The following FAM20A variants were observed in gnomAD, a reference collection of about 807,000 sequenced individuals.
FAM20A encodes FAM20A golgi associated secretory pathway pseudokinase, also known as pseudokinase FAM20A.
A neutral mutation model predicts 52.0 loss-of-function variants in FAM20A; 42 were observed. The ratio of observed to expected loss-of-function variants is 0.81; its 90% CI spans 0.63 to 1.04. The LOEUF (loss-of-function observed/expected upper bound fraction) is 1.04. FAM20A is among the 50% of genes least tolerant of loss of function. The probability of loss-of-function intolerance (pLI) is 0.00; values close to 1 mark genes in which losing one functional copy is unlikely to be tolerated. For missense variants in FAM20A, 742 were observed against 712.7 expected (o/e 1.04, Z -0.47); for synonymous variants, 304 against 298.9 (o/e 1.02, Z -0.18).
chr17:68,574,678 A>G (rs2087675807), intron 1 of FAM20A, among the ~76,000 whole-genome samples: 1 of 152,166 alleles, frequency 6.6e-6, no homozygotes, highest in Non-Finnish European at 1.5e-5. Context: ...AATTATTTCC[A>G]ACTTCTGCTT....
intron 1 of FAM20A, among the ~76,000 whole-genome samples, chr17:68,583,677 G>T (rs1394341285): frequency 6.6e-6 from 1 of 152,186 alleles, no homozygotes; most frequent in Non-Finnish European, 1.5e-5. Context: ...AGCACTTTGG[G>T]AGGCCAAGGC....
intron 1 of FAM20A, among the ~76,000 whole-genome samples, chr17:68,560,343 CA>C (rs59192235): frequency 0.53 from 57,047 of 108,070 alleles, 12,549 homozygotes; most frequent in African/African-American, 0.65. Flanking sequence ...AACTCCATCT[CA>C]AAAAAAAAAA....
chr17:68,600,377 G>A lies in FAM20A; in HGVS notation c.290C>T (p.Ala97Val). The change falls in exon 1 of 11, where the codon GCC becomes GTC. Residue 97 changes from alanine to valine, a missense_variant. Ala to Val is a moderately conservative substitution (Grantham distance 64). Coordinates refer to ENST00000592554, the MANE Select transcript of FAM20A (RefSeq NM_017565.4). This position sits in a 1 kb window ranked among gnomAD's most constrained non-coding sequence, Gnocchi z 6.2. ...GSSSKLQALF[A>V]HPLYNVPEEP... ...CTCCGGGACGTTGTACAGCGGGTGG[G>A]CGAAGAGGGCCTGCAACTTGGAGCT... is the stretch of plus-strand genomic sequence containing the variant. 2 of 1,606,874 alleles carry A rather than the reference G, an allele frequency of 1.2e-6. No individual in the cohort carries two copies. The highest frequency in any genetic ancestry group is 1.7e-6 in the Non-Finnish European group (2 of 1,177,558).
At chr17:68,581,416 T>TTCTTTCTTTCTTTC (rs1303963270) in intron 1 of FAM20A, among the ~76,000 whole-genome samples, 2 of 120,166 alleles carry the variant, frequency 1.7e-5, no homozygotes, top group African/African-American at 6.8e-5. Flanking sequence ...CTTTCTTTCT[T>TTCTTTCTTTCTTTC]TTTCTCTTTT....
chr17:68,554,649 T>C (rs2087001647), intron 3 of FAM20A, 128 bp downstream of exon 3: 1 of 893,620 alleles, frequency 1.1e-6, no homozygotes, highest in African/African-American at 1.6e-5. Flanking sequence ...AAACGTTGAG[T>C]TCTCAGAGGT....
intron 1 of FAM20A, among the ~76,000 whole-genome samples, chr17:68,575,793 C>CAT (rs2087747615): frequency 9.7e-6 from 1 of 103,410 alleles, no homozygotes; most frequent in Non-Finnish European, 1.9e-5. Context: ...TTATATTATA[C>CAT]ACACACACAC....
At chr17:68,592,083 T>A (rs2088329447) in intron 1 of FAM20A, among the ~76,000 whole-genome samples, 1 of 152,190 alleles carries the variant, frequency 6.6e-6, no homozygotes, top group African/African-American at 2.4e-5. Context: ...CCTCACCAAC[T>A]GGACTCAGTG....
intron 5 of FAM20A, 94 bp downstream of exon 5, chr17:68,543,535 G>T: frequency 2.8e-6 from 3 of 1,083,978 alleles, no homozygotes; most frequent in South Asian, 1.3e-5. Context: ...AGGAAGAAAT[G>T]CCAGGGAGTT....
intron 1 of FAM20A, among the ~76,000 whole-genome samples, chr17:68,581,350 T>TTTTCTTTCTTTCTTTCTTCCTTTC (rs2087943892): frequency 2.2e-5 from 2 of 92,218 alleles, no homozygotes; most frequent in Non-Finnish European, 4.2e-5. Flanking sequence ...GAAATGCAGT[T>TTTTCTTTCTTTCTTTCTTCCTTTC]TTTCTTTCTT....
intron 7 of FAM20A, chr17:68,541,563 C>T (rs2086295416): frequency 5.1e-6 from 1 of 195,780 alleles, no homozygotes; most frequent in East Asian, 1.3e-4. Flanking sequence ...GGTGCTAGGT[C>T]CTGGGGATAC....
rs1334899112 is a variant in FAM20A, at chr17:68,536,158, T to G, written c.*1319A>C. 3 of 454,044 alleles carry G rather than the reference T, an allele frequency of 6.6e-6. No homozygotes were observed. The highest frequency in any genetic ancestry group is 1.3e-5 in the Non-Finnish European group (3 of 226,808). The allele number at this position is 454,044 out of a possible 1,614,324, so 28.1% of individuals were successfully genotyped here. On this transcript the variant is annotated 3_prime_UTR_variant, in exon 11 of 11. Coordinates refer to ENST00000592554, the MANE Select transcript of FAM20A (RefSeq NM_017565.4). ...GAAGTGTTATTTGTCCAGTCGAGGC[T>G]ATCTTTGCTCACACTGCAGAAAGCT...
At chr17:68,595,839 G>A (rs113864126) in intron 1 of FAM20A, among the ~76,000 whole-genome samples, 347 of 152,354 alleles carry the variant, frequency 2.3e-3, no homozygotes, top group Non-Finnish European at 3.9e-3. Flanking sequence ...AAAGATGGGA[G>A]TGAGAATGGA....
intron 1 of FAM20A, among the ~76,000 whole-genome samples, chr17:68,567,277 T>A (rs909279573): frequency 1.3e-5 from 2 of 151,964 alleles, no homozygotes; most frequent in Non-Finnish European, 2.9e-5. Flanking sequence ...CAAAGCTGTG[T>A]TCTAATGCTG....
chr17:68,554,144 A>ATT (rs1555824723), intron 3 of FAM20A, among the ~76,000 whole-genome samples: 2 of 144,284 alleles, frequency 1.4e-5, no homozygotes, highest in East Asian at 4.0e-4. Context: ...ATATATATAT[A>ATT]TTTTTAGCTG....
intron 2 of FAM20A, 48 bp downstream of exon 2, chr17:68,555,509 ACT>A (rs1427114679): frequency 6.2e-7 from 1 of 1,604,220 alleles, no homozygotes; most frequent in South Asian, 1.1e-5. Flanking sequence ...CTTTACCCAG[ACT>A]CTCTGGGAGA....
intron 10 of FAM20A, 96 bp downstream of exon 10, chr17:68,539,241 C>A: frequency 8.5e-7 from 1 of 1,176,012 alleles, no homozygotes; most frequent in Non-Finnish European, 1.3e-6. Flanking sequence ...ACGTCCTGGA[C>A]CAGTGAAAAC....
chr17:68,582,010 A>G (rs2088019504), intron 1 of FAM20A, among the ~76,000 whole-genome samples: 1 of 152,192 alleles, frequency 6.6e-6, no homozygotes, highest in African/African-American at 2.4e-5. Context: ...CACTGTGCTT[A>G]ACATAGAGTA....
At position 68,548,894 on chromosome 17, in the gene FAM20A, G is replaced by A. The variant is rs1026165318; in HGVS notation, c.719+2979C>T. Among the ~76,000 whole-genome samples, 8 of 151,574 alleles carry A rather than the reference G, an allele frequency of 5.3e-5. No individual in the cohort carries two copies. In the South Asian group the frequency reaches 8.4e-4, roughly 16 times the overall value. On this transcript the variant is annotated intron_variant, in intron 4 of 10. Coordinates refer to ENST00000592554, the MANE Select transcript of FAM20A (RefSeq NM_017565.4). ...ACTACCGGCACCCACCACCACGCCC[G>A]GCTAATTTTTTGTATTTTTAGTAGA...
At chr17:68,540,576 A>G (rs548934656) in intron 8 of FAM20A, 19 of 552,666 alleles carry the variant, frequency 3.4e-5, no homozygotes, top group African/African-American at 2.4e-4. Flanking sequence ...TGAAGTGAAC[A>G]TACAGCTTCC....
Sources: gnomAD v4.1 joint callset for allele counts (sites outside exome capture counted in the v4.1 genomes callset) on GRCh38, gnomAD v4.1.1 for gene constraint, Gnocchi (gnomAD v3.1) non-coding constraint, MANE v1.5 for transcripts, NCBI Gene and HGNC (gene_info 2026-07-23, HGNC 2026-07-21) for gene names.